Variants in BABAM2 observed in about 807,000 individuals in gnomAD.
BABAM2 encodes the protein BRISC and BRCA1-A complex member 2.
BABAM2 carries 31 observed loss-of-function variants against 54.7 expected under a neutral mutation model. The observed-to-expected ratio is 0.57, with a 90% CI of 0.43 to 0.77. The LOEUF (loss-of-function observed/expected upper bound fraction) is 0.77, where lower values mean the gene tolerates loss of function less well. Ranked by LOEUF, BABAM2 falls within the 30% of genes least tolerant of loss-of-function variation. The probability of loss-of-function intolerance (pLI) is 0.00; values close to 1 mark genes in which losing one functional copy is unlikely to be tolerated. For missense variants in BABAM2, 364 were observed against 455.8 expected (o/e 0.80, Z 1.83); for synonymous variants, 167 against 162.9 (o/e 1.03, Z -0.19).
intron 6 of BABAM2, among the ~76,000 whole-genome samples, chr2:28,110,499 C>T (rs1250050367): frequency 6.6e-6 from 1 of 152,034 alleles, no homozygotes; most frequent in Non-Finnish European, 1.5e-5. Flanking sequence ...TGGCAGGTGC[C>T]TGTAATCCCA....
At chr2:28,125,308 T>G (rs1375589300) in intron 6 of BABAM2, among the ~76,000 whole-genome samples, 1 of 152,054 alleles carries the variant, frequency 6.6e-6, no homozygotes, top group Admixed American at 6.5e-5. Context: ...TTATTATTTT[T>G]TTTGAGACAG....
intron 10 of BABAM2, among the ~76,000 whole-genome samples, chr2:28,253,164 G>A (rs1683652912): frequency 1.3e-5 from 2 of 152,116 alleles, no homozygotes; most frequent in African/African-American, 4.8e-5. Flanking sequence ...AGCACTTTGG[G>A]TGGCCAAAGC....
intron 7 of BABAM2, among the ~76,000 whole-genome samples, chr2:28,198,202 C>T (rs1573818108): frequency 6.6e-6 from 1 of 151,796 alleles, no homozygotes; most frequent in Non-Finnish European, 1.5e-5. Context: ...CTCTGTCACC[C>T]AGGCTGGATG....
intron 6 of BABAM2, among the ~76,000 whole-genome samples, chr2:28,104,740 G>A (rs796314961): frequency 1.1e-4 from 17 of 152,118 alleles, no homozygotes; most frequent in African/African-American, 3.4e-4. Context: ...ACATGCACAC[G>A]TATGTTTATT....
chr2:28,188,184 A>G (rs184069968), intron 7 of BABAM2, among the ~76,000 whole-genome samples: 1 of 152,176 alleles, frequency 6.6e-6, no homozygotes, highest in Non-Finnish European at 1.5e-5. Context: ...GAAGGCTCCC[A>G]TGCCATCATT....
intron 7 of BABAM2, among the ~76,000 whole-genome samples, chr2:28,230,818 T>C (rs993462499): frequency 1.3e-5 from 2 of 152,194 alleles, no homozygotes; most frequent in Admixed American, 1.3e-4. Context: ...TGAATGATTT[T>C]TTTTTAGTCC....
At chr2:28,246,387 C>A (rs1187583213) in intron 10 of BABAM2, among the ~76,000 whole-genome samples, 2 of 152,202 alleles carry the variant, frequency 1.3e-5, no homozygotes. Flanking sequence ...CCCAGTGATT[C>A]TTTCTGTAAC....
intron 6 of BABAM2, among the ~76,000 whole-genome samples, chr2:28,083,086 T>C (rs1430829170): frequency 2.0e-5 from 3 of 152,204 alleles, no homozygotes; most frequent in African/African-American, 7.2e-5. Flanking sequence ...TTAGAGTCTT[T>C]CCAGCTCCAT....
intron 7 of BABAM2, among the ~76,000 whole-genome samples, chr2:28,164,849 G>T (rs1031749540): frequency 6.6e-6 from 1 of 152,078 alleles, no homozygotes; most frequent in Non-Finnish European, 1.5e-5. Flanking sequence ...AATAACTCCA[G>T]ATCCCTTCAT....
At chr2:28,018,767 T>C (rs1675033289) in intron 4 of BABAM2, among the ~76,000 whole-genome samples, 1 of 152,218 alleles carries the variant, frequency 6.6e-6, no homozygotes, top group Admixed American at 6.5e-5. Context: ...ATGTTAGCAT[T>C]TTTCCAAATG....
intron 5 of BABAM2, among the ~76,000 whole-genome samples, chr2:28,028,902 G>T (rs934652193): frequency 1.3e-5 from 2 of 152,182 alleles, no homozygotes; most frequent in Non-Finnish European, 2.9e-5. Context: ...GAGTAGCTGG[G>T]ACTACAAGTG....
intron 5 of BABAM2, among the ~76,000 whole-genome samples, chr2:28,034,344 GA>G (rs1353337800): frequency 1.3e-5 from 2 of 152,150 alleles, no homozygotes; most frequent in African/African-American, 4.8e-5. Context: ...TCTGGACCTT[GA>G]CACAAAGATT....
At chr2:28,225,318 A>G (rs1485631097) in intron 7 of BABAM2, among the ~76,000 whole-genome samples, 1 of 152,200 alleles carries the variant, frequency 6.6e-6, no homozygotes, top group Non-Finnish European at 1.5e-5. Context: ...ATGGAGAGCA[A>G]AGGCTGCCTT....
intron 2 of BABAM2, among the ~76,000 whole-genome samples, chr2:27,895,785 A>T (rs955678238): frequency 1.3e-5 from 2 of 151,864 alleles, no homozygotes; most frequent in African/African-American, 4.8e-5. Flanking sequence ...TCTTTTTCTC[A>T]TTCCTCCCCG....
At chr2:28,244,747 TTTTG>T (rs745351899) in intron 9 of BABAM2, 29 bp from the exon 10 acceptor site, 3 of 1,576,250 alleles carry the variant, frequency 1.9e-6, no homozygotes, top group Non-Finnish European at 2.6e-6. Flanking sequence ...TGAGGGTTTT[TTTTG>T]TTTGTGTGTG....
At chr2:28,172,525 G>C (rs1171087899) in intron 7 of BABAM2, among the ~76,000 whole-genome samples, 3 of 152,206 alleles carry the variant, frequency 2.0e-5, no homozygotes, top group Non-Finnish European at 2.9e-5. Context: ...GCAGGACTCT[G>C]CCCAGGCATG....
chr2:28,193,172 A>G (rs1197767448), intron 7 of BABAM2, among the ~76,000 whole-genome samples: 3 of 152,174 alleles, frequency 2.0e-5, no homozygotes, highest in Non-Finnish European at 2.9e-5. Flanking sequence ...CTCTGTCTCA[A>G]AAAAGAAACA....
At chr2:28,010,959 A>G (rs759447913) in intron 4 of BABAM2, among the ~76,000 whole-genome samples, 3 of 152,156 alleles carry the variant, frequency 2.0e-5, no homozygotes, top group Non-Finnish European at 4.4e-5. Flanking sequence ...GTCTTTGTTT[A>G]TCTCATTGGG....
chr2:28,285,448 C>T (rs185199235), intron 10 of BABAM2, among the ~76,000 whole-genome samples: 5 of 152,162 alleles, frequency 3.3e-5, no homozygotes, highest in Non-Finnish European at 5.9e-5. Flanking sequence ...TATCCCTGCA[C>T]GGTATAAGTC....
Sources: allele counts gnomAD v4.1 joint callset (sites outside exome capture counted in the v4.1 genomes callset), GRCh38; gene constraint gnomAD v4.1.1; transcripts MANE v1.5; gene names NCBI Gene and HGNC (gene_info 2026-07-23, HGNC 2026-07-21).